Variants in TOPBP1 observed in about 807,000 individuals in gnomAD.
TOPBP1 encodes DNA topoisomerase II binding protein 1.
Under a neutral mutation model 167.7 loss-of-function variants are expected in TOPBP1, and 28 were observed. The ratio of observed to expected loss-of-function variants is 0.17; its 90% CI spans 0.12 to 0.23. TOPBP1 has a LOEUF of 0.23. TOPBP1 is among the 10% of genes least tolerant of loss of function. The pLI, the probability that TOPBP1 is intolerant of heterozygous loss-of-function variation, is 1.00. For synonymous variants in TOPBP1, 598 were observed against 611.4 expected, an observed-to-expected ratio of 0.98 and a Z score of 0.32; for missense variants, 1,554 against 1,809.6, an observed-to-expected ratio of 0.86 and a Z score of 2.56.
At chr3:133,633,796 C>A (rs1165343907) in intron 14 of TOPBP1, among the ~76,000 whole-genome samples, 1 of 152,090 alleles carries the variant, frequency 6.6e-6, no homozygotes, top group Admixed American at 6.6e-5. Flanking sequence ...GTCTTAAACA[C>A]AACAAAACAA....
rs1934926620 is a variant in TOPBP1 at position 133,617,238 on chromosome 3, G to T, written c.3681C>A (p.His1227Gln). ...EELETPIKDS[H>Q]LIPTPQAPSI... Reference sequence around the variant, plus strand: ...TGGGGGCTTGAGGCGTAGGGATCAGGTGGCTGTCTTTTATGGGAGTTTCCA... The same window carrying T: ...TGGGGGCTTGAGGCGTAGGGATCAGTTGGCTGTCTTTTATGGGAGTTTCCA... Residue 1227 changes from histidine (H) to glutamine (Q), a missense_variant, in exon 22 of 28, where the codon CAC (histidine) becomes CAA (glutamine). Transcript: ENST00000260810. 6.2e-7 allele frequency: 1 copy of T among 1,613,808 alleles called. No homozygotes were observed. The highest frequency in any genetic ancestry group is 8.5e-7 in the Non-Finnish European group (1 of 1,179,868).
chr3:133,639,279 C>G lies in TOPBP1; in HGVS notation c.2233+680G>C, dbSNP rs185932040. Among the ~76,000 whole-genome samples the G allele has an allele frequency of 1.6e-3, 249 of 152,098 alleles. 6 individuals carry two copies. The highest frequency in any genetic ancestry group is 5.8e-3 in the African/African-American group (239 of 41,482). ...ATATACACCATGGAATACTATGCAG[C>G]CAGAAAAAAGGATGAATTCATGTCC... On this transcript the variant is annotated intron_variant, in intron 13 of 27. Transcript: ENST00000260810.
chr3:133,649,337 T>C, intron 10 of TOPBP1, 46 bp downstream of exon 10: 1 of 1,581,426 alleles, frequency 6.3e-7, no homozygotes, highest in Non-Finnish European at 8.6e-7. Context: ...ATTAGGCTAC[T>C]AAAATATTTC....
chr3:133,636,749 G>A (rs977064232), intron 14 of TOPBP1, among the ~76,000 whole-genome samples: 2 of 152,130 alleles, frequency 1.3e-5, no homozygotes, highest in East Asian at 1.9e-4. Flanking sequence ...TTATAGATGA[G>A]AATAATGAAG....
chr3:133,656,543 G>T (rs567603049), intron 5 of TOPBP1, 133 bp downstream of exon 5: 1 of 861,298 alleles, frequency 1.2e-6, no homozygotes, highest in Non-Finnish European at 1.7e-6. Flanking sequence ...CTGCTCTTCC[G>T]TTTTCGCTGG....
At chr3:133,605,493 A>ATGT (rs1934461148) in intron 27 of TOPBP1, among the ~76,000 whole-genome samples, 1 of 151,868 alleles carries the variant, frequency 6.6e-6, no homozygotes, top group Admixed American at 6.6e-5. Flanking sequence ...TTGAAAATGT[A>ATGT]ATTCCCCATA....
At chr3:133,658,277 G>A (rs1936551979) in intron 3 of TOPBP1, among the ~76,000 whole-genome samples, 1 of 152,072 alleles carries the variant, frequency 6.6e-6, no homozygotes, top group Non-Finnish European at 1.5e-5. Context: ...GACCAGCCTG[G>A]CCAACATGGT....
At chr3:133,608,751 C>A in intron 26 of TOPBP1, 55 bp from the exon 27 acceptor site, 1 of 1,596,718 alleles carries the variant, frequency 6.3e-7, no homozygotes, top group Non-Finnish European at 8.5e-7. Context: ...AGTAGTTCAG[C>A]TGTATAATGT....
intron 12 of TOPBP1, among the ~76,000 whole-genome samples, chr3:133,642,410 T>C (rs1935919202): frequency 6.6e-6 from 1 of 152,220 alleles, no homozygotes; most frequent in Non-Finnish European, 1.5e-5. Context: ...CCTACCTTCT[T>C]TTCCATGCCC....
chr3:133,660,709 T>G (rs892397661), intron 2 of TOPBP1, among the ~76,000 whole-genome samples: 4 of 152,178 alleles, frequency 2.6e-5, no homozygotes, highest in Non-Finnish European at 5.9e-5. Context: ...ACCAAAAAAT[T>G]TTCAAGTATG....
intron 10 of TOPBP1, 31 bp from the exon 11 acceptor site, chr3:133,644,394 A>G: frequency 1.3e-6 from 2 of 1,506,994 alleles, no homozygotes; most frequent in Non-Finnish European, 1.8e-6. Flanking sequence ...TTTTCTAACC[A>G]ACAATTTACC....
intron 12 of TOPBP1, among the ~76,000 whole-genome samples, chr3:133,642,674 T>C (rs1349073117): frequency 1.3e-5 from 2 of 152,224 alleles, no homozygotes; most frequent in East Asian, 1.9e-4. Context: ...TGATCGACTA[T>C]TGATGTTCAA....
Position 133,656,562 on chromosome 3 carries a change from G to A in TOPBP1, c.545+114C>T. ...TCTTCCGTTTTCGCTGGAGAAAAGAGTAATGACACTATTTTTTTCCCTGAA... is the reference window on the plus strand; with the variant it reads ...TCTTCCGTTTTCGCTGGAGAAAAGAATAATGACACTATTTTTTTCCCTGAA... On this transcript the variant is annotated intron_variant, in intron 5 of 27. Coordinates refer to ENST00000260810, the MANE Select transcript of TOPBP1 (RefSeq NM_007027.4). The A allele has an allele frequency of 7.8e-6, 8 of 1,029,758 alleles. No individual in the cohort carries two copies. The South Asian group carries it at 1.4e-4, about 18-fold the overall frequency. 63.8% of individuals were successfully genotyped at this position (1,029,758 alleles called of 1,614,324 possible). A position where few individuals can be genotyped will look rare whatever the true frequency, so the allele number is the denominator to read the frequency against.
rs375981576 is a variant in TOPBP1, at chr3:133,653,130, A to T, written c.922+215T>A. ...CTTTGATCATCTTTTGCATTACAAC[A>T]GAGTATAAAAGACAGCATTCATTCA... On this transcript the variant is annotated intron_variant, in intron 7 of 27. Transcript: ENST00000260810. Among the ~76,000 whole-genome samples, 8 of 152,348 alleles carry T rather than the reference A, an allele frequency of 5.3e-5. 1 individual carries two copies. Among genetic ancestry groups the T allele is most frequent in the East Asian group, 1.9e-4 (1 of 5,192 alleles).
At chr3:133,635,312 G>A (rs1485616128) in intron 14 of TOPBP1, among the ~76,000 whole-genome samples, 1 of 152,114 alleles carries the variant, frequency 6.6e-6, no homozygotes, top group African/African-American at 2.4e-5. Context: ...GGAGTGCAGT[G>A]GTAGGATGAT....
At chr3:133,616,133 T>A (rs954467987) in intron 23 of TOPBP1, among the ~76,000 whole-genome samples, 4 of 151,876 alleles carry the variant, frequency 2.6e-5, no homozygotes, top group African/African-American at 9.7e-5. Flanking sequence ...TTTTTTTTTT[T>A]TTTTGAGACA....
chr3:133,619,072 G>T (rs1934993539), intron 20 of TOPBP1, among the ~76,000 whole-genome samples: 1 of 135,164 alleles, frequency 7.4e-6, no homozygotes, highest in Admixed American at 7.7e-5. Context: ...TTCATTCTTA[G>T]TAAAAATAAT....
intron 14 of TOPBP1, among the ~76,000 whole-genome samples, chr3:133,632,261 C>T (rs1310182129): frequency 2.0e-5 from 3 of 151,520 alleles, no homozygotes; most frequent in African/African-American, 4.8e-5. Flanking sequence ...AAAAATTAGC[C>T]GGGTGTGGGG....
intron 25 of TOPBP1, among the ~76,000 whole-genome samples, chr3:133,610,090 G>T (rs1934624354): frequency 6.6e-6 from 1 of 152,198 alleles, no homozygotes; most frequent in African/African-American, 2.4e-5. Context: ...TAACTAATAT[G>T]GCTTTCAGTG....
Sources: allele counts gnomAD v4.1 joint callset (sites outside exome capture counted in the v4.1 genomes callset), GRCh38; gene constraint gnomAD v4.1.1; transcripts MANE v1.5; gene names NCBI Gene and HGNC (gene_info 2026-07-23, HGNC 2026-07-21).